LRP1B: variants seen among roughly 807,000 people sequenced by gnomAD.
The protein encoded by LRP1B is low-density lipoprotein receptor-related protein 1B.
In LRP1B, 217 loss-of-function variants were observed where a neutral mutation model predicts 556.6. The observed-to-expected ratio is 0.39, with a 90% CI of 0.35 to 0.44. The LOEUF (loss-of-function observed/expected upper bound fraction) is 0.44, where lower values mean the gene tolerates loss of function less well. Ranked by LOEUF, LRP1B falls within the 20% of genes least tolerant of loss-of-function variation. The pLI is 1.00. For missense variants in LRP1B, 5,053 were observed against 5,620.8 expected, an observed-to-expected ratio of 0.90 and a Z score of 3.23; for synonymous variants, 2,047 against 1,865.8, an observed-to-expected ratio of 1.10 and a Z score of -2.50.
chr2:140,287,436 T>C (rs1195008276), intron 84 of LRP1B, among the ~76,000 whole-genome samples: 1 of 151,720 alleles, frequency 6.6e-6, no homozygotes, highest in East Asian at 2.0e-4. Flanking sequence ...CATTATGTCG[T>C]CCTATCCATC....
At chr2:141,186,527 A>G (rs1681267420) in intron 7 of LRP1B, among the ~76,000 whole-genome samples, 1 of 152,094 alleles carries the variant, frequency 6.6e-6, no homozygotes, top group Non-Finnish European at 1.5e-5. Context: ...TATTTATAAA[A>G]GAGTTGAGCA....
chr2:140,770,599 G>A (rs1037308671), intron 34 of LRP1B, among the ~76,000 whole-genome samples: 13 of 151,902 alleles, frequency 8.6e-5, no homozygotes, highest in African/African-American at 3.1e-4. Context: ...TGCCTATTCA[G>A]GTCGAAGGTA....
chr2:141,107,264 T>C (rs1279637912), intron 7 of LRP1B, among the ~76,000 whole-genome samples: 1 of 152,208 alleles, frequency 6.6e-6, no homozygotes, highest in African/African-American at 2.4e-5. Context: ...ACTGCAGTTA[T>C]ATTTATAGGG....
chr2:141,122,439 G>A (rs1229828233), intron 7 of LRP1B, among the ~76,000 whole-genome samples: 3 of 149,566 alleles, frequency 2.0e-5, no homozygotes, highest in African/African-American at 4.9e-5. Context: ...AGTGGGCAAA[G>A]GATATGAACA....
intron 41 of LRP1B, among the ~76,000 whole-genome samples, chr2:140,604,871 C>A (rs1259637207): frequency 6.6e-6 from 1 of 152,040 alleles, no homozygotes; most frequent in Non-Finnish European, 1.5e-5. Flanking sequence ...TTATAAAGAG[C>A]AGTTCCACTG....
chr2:141,671,596 A>G (rs1434668523), intron 2 of LRP1B, among the ~76,000 whole-genome samples: 1 of 152,174 alleles, frequency 6.6e-6, no homozygotes, highest in Admixed American at 6.5e-5. Context: ...AGAAAGGGCA[A>G]TAAGGTACAA....
intron 5 of LRP1B, among the ~76,000 whole-genome samples, chr2:141,242,086 T>A (rs1333543360): frequency 6.6e-6 from 1 of 152,138 alleles, no homozygotes; most frequent in Non-Finnish European, 1.5e-5. Context: ...TTACCCTTCC[T>A]AAGAATAGAT....
intron 11 of LRP1B, among the ~76,000 whole-genome samples, chr2:141,037,317 C>A (rs1249126505): frequency 6.6e-6 from 1 of 152,000 alleles, no homozygotes; most frequent in Non-Finnish European, 1.5e-5. Context: ...AATAAACTGA[C>A]AATAAATATG....
chr2:141,720,645 C>T (rs894312979), intron 2 of LRP1B, among the ~76,000 whole-genome samples: 14 of 151,952 alleles, frequency 9.2e-5, no homozygotes, highest in African/African-American at 2.9e-4. Flanking sequence ...TCATAAAATC[C>T]GTGACCTCTT....
intron 2 of LRP1B, among the ~76,000 whole-genome samples, chr2:141,674,271 G>T (rs560512137): frequency 1.2e-4 from 19 of 152,058 alleles, no homozygotes; most frequent in Admixed American, 1.0e-3. Context: ...GATGTTTATT[G>T]AATTTTTCTA....
chr2:140,644,246 TATCTATTA>T (rs1270757201), intron 41 of LRP1B, among the ~76,000 whole-genome samples: 2 of 152,184 alleles, frequency 1.3e-5, no homozygotes, highest in Non-Finnish European at 2.9e-5. Flanking sequence ...TATAAATGTA[TATCTATTA>T]ATATGAATAT....
intron 43 of LRP1B, among the ~76,000 whole-genome samples, chr2:140,561,301 A>G (rs1680921333): frequency 6.6e-6 from 1 of 152,164 alleles, no homozygotes; most frequent in South Asian, 2.1e-4. Flanking sequence ...ACCGACACAC[A>G]GAATCCAAAA....
intron 7 of LRP1B, among the ~76,000 whole-genome samples, chr2:141,075,433 C>A (rs780943364): frequency 3.9e-5 from 6 of 152,058 alleles, no homozygotes; most frequent in African/African-American, 1.4e-4. Context: ...GGTGTCATTC[C>A]ATTTAATACA....
chr2:140,662,168 C>T (rs539323408), intron 41 of LRP1B, among the ~76,000 whole-genome samples: 1 of 151,808 alleles, frequency 6.6e-6, no homozygotes, highest in African/African-American at 2.4e-5. Flanking sequence ...TATATTACTA[C>T]ATATATATAT....
intron 2 of LRP1B, among the ~76,000 whole-genome samples, chr2:141,749,938 A>G (rs925109620): frequency 2.0e-5 from 3 of 152,126 alleles, no homozygotes; most frequent in Non-Finnish European, 4.4e-5. Flanking sequence ...TGCTATAAAG[A>G]TATGAAATGG....
chr2:141,466,613 G>C (rs1476542027), intron 3 of LRP1B, among the ~76,000 whole-genome samples: 1 of 152,044 alleles, frequency 6.6e-6, no homozygotes, highest in Non-Finnish European at 1.5e-5. Context: ...TAAGTTGCTT[G>C]GTAGGGATAA....
intron 66 of LRP1B, among the ~76,000 whole-genome samples, chr2:140,403,405 G>A (rs1684593310): frequency 6.6e-6 from 1 of 152,036 alleles, no homozygotes; most frequent in East Asian, 1.9e-4. Context: ...AAATTTTCGA[G>A]AGAGATAGAT....
intron 3 of LRP1B, among the ~76,000 whole-genome samples, chr2:141,419,844 T>C (rs1238959317): frequency 2.9e-5 from 4 of 137,892 alleles, no homozygotes; most frequent in African/African-American, 8.0e-5. Context: ...TTATTTGAGA[T>C]CTTTATTTCA....
intron 2 of LRP1B, among the ~76,000 whole-genome samples, chr2:141,515,885 G>T (rs1191229046): frequency 1.3e-5 from 2 of 152,128 alleles, no homozygotes; most frequent in African/African-American, 4.8e-5. Context: ...AGAACGGTGG[G>T]TTTACATCTA....
Sources: gnomAD v4.1 joint callset for allele counts (sites outside exome capture counted in the v4.1 genomes callset) on GRCh38, gnomAD v4.1.1 for gene constraint, MANE v1.5 for transcripts, NCBI Gene and HGNC (gene_info 2026-07-23, HGNC 2026-07-21) for gene names.